The following STT3B variants were observed in gnomAD, a reference collection of about 807,000 sequenced individuals.
STT3B encodes dolichyl-diphosphooligosaccharide--protein glycosyltransferase subunit STT3B.
In STT3B, 29 loss-of-function variants were observed where a neutral mutation model predicts 96.8. That is an observed-to-expected ratio of 0.30 (90% confidence interval 0.22 to 0.41). The LOEUF is 0.41. STT3B is among the 10% of genes least tolerant of loss of function. STT3B has a pLI of 1.00. For missense variants in STT3B, 640 were observed against 1,022.3 expected (o/e 0.63, Z 5.10); for synonymous variants, 367 against 360.0 (o/e 1.02, Z -0.22).
intron 13 of STT3B, among the ~76,000 whole-genome samples, chr3:31,628,095 C>CACT (rs1699572130): frequency 6.6e-6 from 1 of 151,790 alleles, no homozygotes; most frequent in Non-Finnish European, 1.5e-5. Flanking sequence ...TCAGTGTTCT[C>CACT]ACTACAACAA....
chr3:31,625,276 A>C (rs1280881763), intron 12 of STT3B, among the ~76,000 whole-genome samples, 191 bp downstream of exon 12: 1 of 152,228 alleles, frequency 6.6e-6, no homozygotes, highest in Non-Finnish European at 1.5e-5. Context: ...GATACTAAGT[A>C]TCATTCAGAA....
chr3:31,595,451 T>C (rs1359217360), intron 3 of STT3B, among the ~76,000 whole-genome samples: 3 of 152,224 alleles, frequency 2.0e-5, no homozygotes, highest in South Asian at 2.1e-4. Flanking sequence ...TCTCCTTGTT[T>C]ATAATTCTTC....
At chr3:31,615,725 T>TA (rs1262455153) in intron 6 of STT3B, among the ~76,000 whole-genome samples, 1 of 151,944 alleles carries the variant, frequency 6.6e-6, no homozygotes, top group Non-Finnish European at 1.5e-5. Flanking sequence ...CACCTGTCTT[T>TA]ACACGTATGC....
chr3:31,588,187 A>ATAG (rs751648780), intron 3 of STT3B, among the ~76,000 whole-genome samples: 3 of 152,102 alleles, frequency 2.0e-5, no homozygotes, highest in Non-Finnish European at 4.4e-5. Context: ...GTAGGCCTAG[A>ATAG]GCAATACTAC....
At chr3:31,605,355 A>G (rs1327884437) in intron 5 of STT3B, among the ~76,000 whole-genome samples, 1 of 152,152 alleles carries the variant, frequency 6.6e-6, no homozygotes, top group Non-Finnish European at 1.5e-5. Flanking sequence ...TTAAAATTTG[A>G]TAATAAATGT....
In STT3B at chr3:31,607,095, G is replaced by A. The variant is rs372925363; in HGVS notation, c.877+6636G>A. On this transcript the variant is annotated intron_variant, in intron 5 of 15. Coordinates refer to ENST00000295770, the MANE Select transcript of STT3B (RefSeq NM_178862.3). ...CCCATTTGGGCTGGGTGTATTTATCGAGTGCCTGTACCCCCATTGTATCTA... is the reference window on the plus strand; with the variant it reads ...CCCATTTGGGCTGGGTGTATTTATCAAGTGCCTGTACCCCCATTGTATCTA... Among the ~76,000 whole-genome samples the A allele has an allele frequency of 4.1e-4, 63 of 152,230 alleles. No individual in the cohort carries two copies. In the Middle Eastern group the frequency reaches 0.01, roughly 25 times the overall value.
intron 1 of STT3B, among the ~76,000 whole-genome samples, chr3:31,538,931 G>T (rs1160233376): frequency 6.6e-6 from 1 of 152,092 alleles, no homozygotes; most frequent in African/African-American, 2.4e-5. Flanking sequence ...GTGGAATACT[G>T]TAGGGTTTTT....
At chr3:31,545,226 A>G (rs966487790) in intron 1 of STT3B, among the ~76,000 whole-genome samples, 13 of 152,194 alleles carry the variant, frequency 8.5e-5, no homozygotes, top group Non-Finnish European at 1.5e-5. Flanking sequence ...TAAAGTTGTT[A>G]AAATGAATCA....
chr3:31,608,365 A>C (rs77046547), intron 5 of STT3B, among the ~76,000 whole-genome samples: 13,692 of 152,166 alleles, frequency 0.09, 666 homozygotes, highest in South Asian at 0.12. Flanking sequence ...TACAATATTT[A>C]TGGATCTTCT....
At chr3:31,575,370 A>G (rs927254097) in intron 1 of STT3B, among the ~76,000 whole-genome samples, 1 of 151,654 alleles carries the variant, frequency 6.6e-6, no homozygotes, top group Non-Finnish European at 1.5e-5. Flanking sequence ...ATCTGAATAT[A>G]TTCTCGCTTC....
chr3:31,535,457 C>T (rs1250408413), intron 1 of STT3B, among the ~76,000 whole-genome samples: 1 of 151,858 alleles, frequency 6.6e-6, no homozygotes, highest in Non-Finnish European at 1.5e-5. Flanking sequence ...GGCGCGGTGG[C>T]TCACGCCTGT....
intron 1 of STT3B, among the ~76,000 whole-genome samples, chr3:31,555,863 T>C (rs899610455): frequency 6.6e-6 from 1 of 152,188 alleles, no homozygotes; most frequent in Non-Finnish European, 1.5e-5. Flanking sequence ...TTTAGGGGTA[T>C]CCATCTTGAG....
chr3:31,620,869 G>C (rs748565299), intron 9 of STT3B, among the ~76,000 whole-genome samples: 17 of 152,074 alleles, frequency 1.1e-4, no homozygotes, highest in Non-Finnish European at 1.9e-4. Context: ...AGCACCTGTA[G>C]GGGTTCAGTT....
At chr3:31,605,501 G>A (rs1351684574) in intron 5 of STT3B, among the ~76,000 whole-genome samples, 1 of 151,496 alleles carries the variant, frequency 6.6e-6, no homozygotes, top group Non-Finnish European at 1.5e-5. Flanking sequence ...TTCTCATGGT[G>A]GTGAGTAAGT....
intron 4 of STT3B, 61 bp from the exon 5 acceptor site, chr3:31,600,299 T>C: frequency 4.1e-6 from 3 of 729,970 alleles, no homozygotes; most frequent in Non-Finnish European, 6.5e-6. Flanking sequence ...TTTAGATTCC[T>C]AAATATACTT....
At chr3:31,579,047 T>TA (rs879327833) in intron 2 of STT3B, among the ~76,000 whole-genome samples, 2 of 152,094 alleles carry the variant, frequency 1.3e-5, no homozygotes, top group Non-Finnish European at 2.9e-5. Context: ...CACTGAATAA[T>TA]AACTCAGGAA....
At chr3:31,582,274 G>A (rs544159778) in intron 3 of STT3B, among the ~76,000 whole-genome samples, 12 of 146,438 alleles carry the variant, frequency 8.2e-5, no homozygotes, top group African/African-American at 3.0e-4. Context: ...GAAGCTTTGG[G>A]TTTAGTTTGT....
At chr3:31,568,794 A>G (rs1698070939) in intron 1 of STT3B, among the ~76,000 whole-genome samples, 1 of 152,246 alleles carries the variant, frequency 6.6e-6, no homozygotes, top group South Asian at 2.1e-4. Flanking sequence ...AACCAAATGT[A>G]TCAAATGATT....
rs961617297 is a variant in STT3B at position 31,632,423 on chromosome 3, G to C, written c.2188-512G>C. ...AAAGATGTTAATAATATATGTTATGGGGTAAAAGAACAAGATGCTATGAGG... is the reference window on the plus strand; with the variant it reads ...AAAGATGTTAATAATATATGTTATGCGGTAAAAGAACAAGATGCTATGAGG... On this transcript the variant is annotated intron_variant, in intron 14 of 15. Transcript: ENST00000295770. 2.0e-5 allele frequency among the ~76,000 whole-genome samples: 3 copies of C among 152,156 alleles called. 1 individual carries two copies. In the South Asian group the frequency reaches 6.2e-4, roughly 32 times the overall value.
Sources: allele counts gnomAD v4.1 joint callset (sites outside exome capture counted in the v4.1 genomes callset), GRCh38; gene constraint gnomAD v4.1.1; transcripts MANE v1.5; gene names NCBI Gene and HGNC (gene_info 2026-07-23, HGNC 2026-07-21).